Variants in FSTL5 observed in about 807,000 individuals in gnomAD.
The protein encoded by FSTL5 is follistatin-related protein 5.
In FSTL5, 62 loss-of-function variants were observed where a neutral mutation model predicts 89.1. The observed-to-expected ratio is 0.70, with a 90% CI of 0.57 to 0.86. The LOEUF is 0.86. FSTL5 is among the 40% of genes least tolerant of loss of function. FSTL5 has a pLI of 0.00. For missense variants in FSTL5, 1,057 were observed against 1,001.6 expected (o/e 1.06, Z -0.75); for synonymous variants, 383 against 346.2 (o/e 1.11, Z -1.18).
chr4:161,924,156 T>C (rs1199841432), intron 3 of FSTL5, among the ~76,000 whole-genome samples: 1 of 149,634 alleles, frequency 6.7e-6, no homozygotes, highest in African/African-American at 2.4e-5. Context: ...TCAAATAGCA[T>C]TTACTCCTAA....
At chr4:161,691,884 A>AT (rs942527480) in intron 6 of FSTL5, among the ~76,000 whole-genome samples, 30 of 151,806 alleles carry the variant, frequency 2.0e-4, no homozygotes, top group African/African-American at 4.8e-4. Context: ...ATCTATGCTG[A>AT]TTTTTTTTAT....
intron 12 of FSTL5, among the ~76,000 whole-genome samples, chr4:161,491,421 T>C (rs982965201): frequency 2.0e-5 from 3 of 151,980 alleles, no homozygotes; most frequent in East Asian, 3.8e-4. Context: ...ACTAGATACA[T>C]AGATTTTTAA....
At chr4:161,541,833 T>C (rs2126543983) in intron 9 of FSTL5, among the ~76,000 whole-genome samples, 1 of 151,980 alleles carries the variant, frequency 6.6e-6, no homozygotes, top group Middle Eastern at 3.4e-3. Context: ...AAAAGGTTTG[T>C]GGTTTATTTT....
intron 3 of FSTL5, among the ~76,000 whole-genome samples, chr4:161,930,000 A>AT (rs1301946141): frequency 6.6e-6 from 1 of 151,740 alleles, no homozygotes; most frequent in Non-Finnish European, 1.5e-5. Flanking sequence ...ACAATGTCAG[A>AT]TTTTTTAAGA....
intron 6 of FSTL5, among the ~76,000 whole-genome samples, chr4:161,678,531 T>G (rs888890749): frequency 6.6e-6 from 1 of 151,856 alleles, no homozygotes; most frequent in Non-Finnish European, 1.5e-5. Context: ...AAGAGTCAAG[T>G]TGGATTTCAG....
chr4:161,870,167 A>T (rs778897068), intron 4 of FSTL5, among the ~76,000 whole-genome samples: 5 of 152,158 alleles, frequency 3.3e-5, no homozygotes, highest in Non-Finnish European at 5.9e-5. Context: ...AAGATAAAAC[A>T]TGTATAATTT....
chr4:162,146,255 A>G (rs1245980383), intron 1 of FSTL5, among the ~76,000 whole-genome samples: 2 of 152,150 alleles, frequency 1.3e-5, no homozygotes, highest in Admixed American at 1.3e-4. Flanking sequence ...CTATGCATCT[A>G]TCTGTCTATC....
chr4:161,882,281 C>T (rs1039236181), intron 4 of FSTL5, among the ~76,000 whole-genome samples: 14 of 151,988 alleles, frequency 9.2e-5, no homozygotes, highest in Admixed American at 4.6e-4. Flanking sequence ...GCTGATCACC[C>T]GTCTAACCTT....
At chr4:162,032,724 A>G (rs1434171400) in intron 3 of FSTL5, 1 of 152,200 alleles carries the variant, frequency 6.6e-6, no homozygotes, top group Non-Finnish European at 1.5e-5. Context: ...TCTGAAGTGT[A>G]ACTACCCTTT....
At chr4:162,117,609 A>C (rs1315403549) in intron 1 of FSTL5, among the ~76,000 whole-genome samples, 1 of 152,174 alleles carries the variant, frequency 6.6e-6, no homozygotes, top group African/African-American at 2.4e-5. Context: ...TTTCTAGAAA[A>C]TAAGAATACT....
chr4:161,794,865 T>C (rs1382009428), intron 4 of FSTL5, among the ~76,000 whole-genome samples: 5 of 152,120 alleles, frequency 3.3e-5, no homozygotes, highest in Admixed American at 2.6e-4. Flanking sequence ...CTTTCTCTAA[T>C]CTCTCATCAT....
intron 6 of FSTL5, among the ~76,000 whole-genome samples, chr4:161,718,769 G>T (rs1211807433): frequency 6.6e-6 from 1 of 152,020 alleles, no homozygotes; most frequent in Non-Finnish European, 1.5e-5. Flanking sequence ...CTTCACTAAA[G>T]TATAAGTTTT....
intron 2 of FSTL5, among the ~76,000 whole-genome samples, chr4:162,071,903 TG>T (rs1271596218): frequency 6.6e-6 from 1 of 151,840 alleles, no homozygotes; most frequent in Non-Finnish European, 1.5e-5. Context: ...TAATGATGAA[TG>T]GGTCAGTGAA....
chr4:161,825,953 C>A (rs1424041453), intron 4 of FSTL5, among the ~76,000 whole-genome samples: 1 of 151,512 alleles, frequency 6.6e-6, no homozygotes, highest in African/African-American at 2.4e-5. Context: ...TTCTCTAGTT[C>A]CTTGAGGTGT....
At chr4:161,597,728 T>C (rs1274664974) in intron 7 of FSTL5, among the ~76,000 whole-genome samples, 1 of 152,034 alleles carries the variant, frequency 6.6e-6, no homozygotes, top group Non-Finnish European at 1.5e-5. Flanking sequence ...TAGATACTTG[T>C]ACAATATGTA....
chr4:161,871,565 T>C (rs917082124), intron 4 of FSTL5, among the ~76,000 whole-genome samples: 5 of 152,164 alleles, frequency 3.3e-5, no homozygotes. Flanking sequence ...ACATATAATA[T>C]TCATGATATT....
intron 7 of FSTL5, among the ~76,000 whole-genome samples, chr4:161,618,871 T>C (rs572642048): frequency 0.011 from 1,629 of 152,242 alleles, 23 homozygotes; most frequent in African/African-American, 0.037. Flanking sequence ...AAAAAGAGCC[T>C]GCATCGCCAA....
chr4:161,503,841 A>G (rs555719148), intron 11 of FSTL5, among the ~76,000 whole-genome samples: 1 of 151,746 alleles, frequency 6.6e-6, no homozygotes, highest in Non-Finnish European at 1.5e-5. Context: ...CTAGTTGAAC[A>G]TAATATAAAG....
At chr4:161,731,757 C>T (rs1227734533) in intron 6 of FSTL5, among the ~76,000 whole-genome samples, 1 of 151,160 alleles carries the variant, frequency 6.6e-6, no homozygotes, top group African/African-American at 2.4e-5. Flanking sequence ...CTAGTATGTG[C>T]TAATTTTCGT....
Sources: gnomAD v4.1 joint callset for allele counts (sites outside exome capture counted in the v4.1 genomes callset) on GRCh38, gnomAD v4.1.1 for gene constraint, MANE v1.5 for transcripts, NCBI Gene and HGNC (gene_info 2026-07-23, HGNC 2026-07-21) for gene names.